HSF2: variants seen among roughly 807,000 people sequenced by gnomAD.
HSF2 encodes heat shock transcription factor 2, also known as heat shock factor protein 2.
A neutral mutation model predicts 65.0 loss-of-function variants in HSF2; 21 were observed. The observed-to-expected ratio is 0.32, with a 90% CI of 0.23 to 0.47. HSF2 has a LOEUF of 0.47. Ranked by LOEUF, HSF2 falls within the 20% of genes least tolerant of loss-of-function variation. The pLI, the probability that HSF2 is intolerant of heterozygous loss-of-function variation, is 1.00. For synonymous variants in HSF2, 225 were observed against 219.1 expected, an observed-to-expected ratio of 1.03 and a Z score of -0.24; for missense variants, 499 against 628.1, an observed-to-expected ratio of 0.79 and a Z score of 2.20.
intron 12 of HSF2, 74 bp from the exon 13 acceptor site, chr6:122,431,851 G>A (rs945955059): frequency 1.1e-5 from 15 of 1,347,636 alleles, no homozygotes; most frequent in African/African-American, 8.8e-5. Context: ...GTACATCTCT[G>A]TTTTCATTTT....
In HSF2 at chr6:122,432,395, G is replaced by GTGT. The variant is rs1421093072; in HGVS notation, c.*177_*179dup. On this transcript the variant is annotated 3_prime_UTR_variant, in exon 13 of 13. Transcript: ENST00000368455. ...CCACACACTCTTGCAGAGCTTTCAG[G>GTGT]TGTTACTCAGCTGCATAGTTACGCA... is the stretch of plus-strand genomic sequence containing the variant. 3.4e-6 allele frequency: 2 copies of GTGT among 580,502 alleles called. No individual in the cohort carries two copies. The highest frequency in any genetic ancestry group is 6.1e-6 in the Non-Finnish European group (2 of 330,030). 36.0% of individuals were successfully genotyped at this position (580,502 alleles called of 1,614,324 possible).
intron 1 of HSF2, 22 bp from the exon 2 acceptor site, chr6:122,412,351 C>CTT: frequency 5.5e-5 from 62 of 1,121,766 alleles, no homozygotes; most frequent in Non-Finnish European, 6.8e-5. Flanking sequence ...TTTACTTTTT[C>CTT]TTTTTTTTTT....
chr6:122,399,754 A>G lies in HSF2; in HGVS notation c.17A>G (p.Asn6Ser). The change falls in exon 1 of 13, where the codon AAC becomes AGC. Residue 6 changes from asparagine (N) to serine (S), a missense_variant. Coordinates refer to ENST00000368455, the MANE Select transcript of HSF2 (RefSeq NM_004506.4). The stretch of plus-strand genomic sequence containing the variant: ...GCGTTAACAATGAAGCAGAGTTCGA[A>G]CGTGCCGGCTTTCCTCAGCAAGCTG... MKQSS[N>S]VPAFLSKLWT... The G allele has an allele frequency of 6.2e-7, 1 of 1,612,366 alleles. No homozygotes were observed. The highest frequency in any genetic ancestry group is 1.1e-5 in the South Asian group (1 of 90,828).
In HSF2 at chr6:122,399,775, A is replaced by G; in HGVS notation, c.38A>G (p.Lys13Arg). ...QSSNVPAFLS[K>R]LWTLVEETHT... ...TCGAACGTGCCGGCTTTCCTCAGCA[A>G]GCTGTGGACGCTTGTGGAGGAAACC... Residue 13 changes from lysine to arginine, a missense_variant, in exon 1 of 13, where the codon AAG (lysine) becomes AGG (arginine). Physicochemically the swap from Lys to Arg is conservative, Grantham distance 26. Coordinates refer to ENST00000368455, the MANE Select transcript of HSF2 (RefSeq NM_004506.4). 1 of 1,612,594 alleles carries G rather than the reference A, an allele frequency of 6.2e-7. No individual in the cohort carries two copies. Among genetic ancestry groups the G allele is most frequent in the East Asian group, 2.2e-5 (1 of 44,706 alleles).
intron 1 of HSF2, among the ~76,000 whole-genome samples, chr6:122,403,524 TTGAGCCCA>T (rs1773790068): frequency 6.6e-6 from 1 of 152,152 alleles, no homozygotes; most frequent in East Asian, 1.9e-4. Flanking sequence ...GGGAGATGGC[TTGAGCCCA>T]TGAGGCAGAG....
chr6:122,414,924 T>C (rs543764314), intron 4 of HSF2, among the ~76,000 whole-genome samples: 32 of 152,252 alleles, frequency 2.1e-4, no homozygotes, highest in South Asian at 1.9e-3. Flanking sequence ...GCCCTACTTA[T>C]CTTTATTTAG....
rs767254118 is a variant in HSF2, at chr6:122,427,899, T to G, written c.1177-4T>G. On this transcript the variant is annotated splice_polypyrimidine_tract_variant and splice_region_variant and intron_variant, in intron 10 of 12. Transcript: ENST00000368455. ...CTTATCATCTTTCTTGTTTGGTCTT[T>G]CAGCTTTTCACTAGTTCTGTGCAGA... The G allele has an allele frequency of 6.3e-7, 1 of 1,589,074 alleles. No homozygotes were observed. The highest frequency in any genetic ancestry group is 1.1e-5 in the South Asian group (1 of 87,812).
At position 122,422,859 on chromosome 6, in the gene HSF2, T is replaced by C. The variant is rs779617380; in HGVS notation, c.972T>C (p.Ser324=). The change falls in exon 9 of 13, where the codon TCT becomes TCC. Residue 324 remains serine, a synonymous_variant. Transcript: ENST00000368455. ...SGSDGSSPLM[S]SAVQLNGSSS... ...GTGATGGCAGCAGCCCTCTCATGTC[T>C]AGTGCTGTCCAGCTAAATGGCTCAT... is the stretch of plus-strand genomic sequence containing the variant. The C allele has an allele frequency of 6.8e-6, 11 of 1,613,630 alleles. No individual in the cohort carries two copies. The South Asian group carries it at 8.8e-5, about 13-fold the overall frequency.
intron 5 of HSF2, among the ~76,000 whole-genome samples, chr6:122,418,372 G>T (rs1212367704): frequency 6.6e-6 from 1 of 152,166 alleles, no homozygotes; most frequent in African/African-American, 2.4e-5. Flanking sequence ...TTCAGATTCA[G>T]CAGTTCTGTA....
At chr6:122,421,782 A>C (rs1582617415) in intron 7 of HSF2, among the ~76,000 whole-genome samples, 2 of 152,298 alleles carry the variant, frequency 1.3e-5, no homozygotes, top group South Asian at 4.1e-4. Context: ...CCCTATCAGC[A>C]TGGTGGCTGT....
At chr6:122,406,241 A>G (rs1214805594) in intron 1 of HSF2, among the ~76,000 whole-genome samples, 1 of 152,168 alleles carries the variant, frequency 6.6e-6, no homozygotes, top group Non-Finnish European at 1.5e-5. Flanking sequence ...GGATTTGTGA[A>G]TATTTTAGGT....
rs144552941 is a variant in HSF2 at position 122,420,233 on chromosome 6, A to G, written c.681+11A>G. On this transcript the variant is annotated intron_variant, in intron 7 of 12. Coordinates refer to ENST00000368455, the MANE Select transcript of HSF2 (RefSeq NM_004506.4). ...AATCATCATCATAAAGTAATTTTTT[A>G]GTTAGGGTCTATTTTATATTTATTG... 3 of 1,573,486 alleles carry G rather than the reference A, an allele frequency of 1.9e-6. No homozygotes were observed. The highest frequency in any genetic ancestry group is 2.3e-5 in the East Asian group (1 of 44,348).
chr6:122,431,946 C>T lies in HSF2; in HGVS notation c.1337C>T (p.Thr446Ile). The change falls in exon 13 of 13, where the codon ACC (threonine) becomes ATC (isoleucine). Residue 446 changes from threonine (T) to isoleucine (I), a missense_variant. Thr to Ile is a moderately conservative substitution (Grantham distance 89). Around this residue, in one of 2 missense-constraint regions of HSF2, gnomAD observed 349 missense variants for 393.5 expected, o/e 0.89. Coordinates refer to ENST00000368455, the MANE Select transcript of HSF2 (RefSeq NM_004506.4). ...SKPDKQLIQY[T>I]AFPLLAFLDG... ...ATAGATAAGCAGCTTATCCAGTATA[C>T]CGCCTTTCCACTTCTTGCATTCCTC... 1 of 1,613,794 alleles carries T rather than the reference C, an allele frequency of 6.2e-7. No homozygotes were observed. The highest frequency in any genetic ancestry group is 8.5e-7 in the Non-Finnish European group (1 of 1,179,816).
intron 10 of HSF2, among the ~76,000 whole-genome samples, chr6:122,426,178 G>A (rs1293317181): frequency 1.3e-5 from 2 of 151,934 alleles, no homozygotes; most frequent in African/African-American, 4.8e-5. Flanking sequence ...TAAATAAAAA[G>A]TCCACCTATG....
In HSF2 at chr6:122,432,399, T is replaced by TA; in HGVS notation, c.*180dup. Reference sequence around the variant, plus strand: ...ACACTCTTGCAGAGCTTTCAGGTGTTACTCAGCTGCATAGTTACGCAGATG... The same window carrying TA: ...ACACTCTTGCAGAGCTTTCAGGTGTTAACTCAGCTGCATAGTTACGCAGATG... On this transcript the variant is annotated 3_prime_UTR_variant, in exon 13 of 13. Coordinates refer to ENST00000368455, the MANE Select transcript of HSF2 (RefSeq NM_004506.4). 1.7e-6 allele frequency: 1 copy of TA among 574,436 alleles called. No homozygotes were observed. Among genetic ancestry groups the TA allele is most frequent in the South Asian group, 2.3e-5 (1 of 43,846 alleles). 35.6% of individuals were successfully genotyped at this position (574,436 alleles called of 1,614,324 possible).
Position 122,432,023 on chromosome 6 carries a change from G to C in HSF2, c.1414G>C (p.Glu472Gln). 1 of 1,614,044 alleles carries C rather than the reference G, an allele frequency of 6.2e-7. No individual in the cohort carries two copies. The highest frequency in any genetic ancestry group is 8.5e-7 in the Non-Finnish European group (1 of 1,179,956). ...ACAGGCGAGTACAACAGCATCATCA[G>C]AAGTTTTGTCCTCTGTAGATAAACC... is the stretch of plus-strand genomic sequence containing the variant. ...VEQASTTASSEVLSSVDKPIE... is the reference protein window; with the variant it reads ...VEQASTTASSQVLSSVDKPIE... Residue 472 changes from glutamate (E) to glutamine (Q), a missense_variant, in exon 13 of 13, where the codon GAA (glutamate) becomes CAA (glutamine). Coordinates refer to ENST00000368455, the MANE Select transcript of HSF2 (RefSeq NM_004506.4).
chr6:122,423,576 C>T lies in HSF2; in HGVS notation c.1071-5C>T, dbSNP rs1404307159. The T allele has an allele frequency of 1.2e-5, 19 of 1,555,012 alleles. No individual in the cohort carries two copies. The highest frequency in any genetic ancestry group is 1.6e-5 in the Non-Finnish European group (18 of 1,148,988). The stretch of plus-strand genomic sequence containing the variant: ...ATTTGATTAAAAAAATTTTTTTTTC[C>T]TTAGGGTTGAGCTGTTGGATTATCT... On this transcript the variant is annotated splice_polypyrimidine_tract_variant and splice_region_variant and intron_variant, in intron 9 of 12. Coordinates refer to ENST00000368455, the MANE Select transcript of HSF2 (RefSeq NM_004506.4).
At chr6:122,407,572 T>A (rs190484180) in intron 1 of HSF2, among the ~76,000 whole-genome samples, 37 of 135,620 alleles carry the variant, frequency 2.7e-4, no homozygotes, top group African/African-American at 1.0e-3. Context: ...CTGTGAAATG[T>A]TTGTTTTGCC....
Position 122,432,212 on chromosome 6 carries a change from G to C in HSF2, c.1603G>C (p.Asp535His). ...TCTGGATAGTGATATGCCACTTTTA[G>C]ATAGCTAAATCCCCAGGAAGTGGAC... ...APLDSDMPLL[D>H]S Residue 535 changes from aspartate (D) to histidine (H), a missense_variant, in exon 13 of 13, where the codon GAT (aspartate) becomes CAT (histidine). This residue lies in a region of HSF2 where 349 missense variants were observed against 393.5 expected (regional missense o/e 0.89). Transcript: ENST00000368455. The C allele has an allele frequency of 6.2e-7, 1 of 1,610,086 alleles. No homozygotes were observed. The highest frequency in any genetic ancestry group is 8.5e-7 in the Non-Finnish European group (1 of 1,176,942).
Sources: gnomAD v4.1 joint callset for allele counts (sites outside exome capture counted in the v4.1 genomes callset) on GRCh38, gnomAD v4.1.1 for gene constraint, gnomAD v4.1.1 regional missense constraint, MANE v1.5 for transcripts, NCBI Gene and HGNC (gene_info 2026-07-23, HGNC 2026-07-21) for gene names.